Variants in IGF2R observed in about 807,000 individuals in gnomAD.
The protein encoded by IGF2R is cation-independent mannose-6-phosphate receptor.
A neutral mutation model predicts 270.6 loss-of-function variants in IGF2R; 91 were observed. The observed-to-expected ratio is 0.34, with a 90% CI of 0.28 to 0.40. The LOEUF (loss-of-function observed/expected upper bound fraction) is 0.40, where lower values mean the gene tolerates loss of function less well. IGF2R is among the 10% of genes least tolerant of loss of function. The pLI, the probability that IGF2R is intolerant of heterozygous loss-of-function variation, is 1.00. For synonymous variants in IGF2R, 1,316 were observed against 1,258.9 expected (o/e 1.05, Z -0.96); for missense variants, 2,805 against 3,188.3 (o/e 0.88, Z 2.90).
chr6:160,040,598 G>T lies in IGF2R; in HGVS notation c.1354G>T (p.Val452Phe), dbSNP rs776209096. Residue 452 changes from valine (V) to phenylalanine (F), a missense_variant, in exon 11 of 48, where the codon GTT (valine) becomes TTT (phenylalanine). Coordinates refer to ENST00000356956, the MANE Select transcript of IGF2R (RefSeq NM_000876.4). ...GKGTPVFTGEVDCTYFFTWDT... is the reference protein window; with the variant it reads ...GKGTPVFTGEFDCTYFFTWDT... ...AGGAACTCCTGTATTCACAGGGGAG[G>T]TTGACTGCACCTACTTCTTCACATG... The T allele has an allele frequency of 7.4e-6, 12 of 1,614,186 alleles. No homozygotes were observed. The highest frequency in any genetic ancestry group is 1.0e-5 in the Non-Finnish European group (12 of 1,180,010).
chr6:160,059,699 G>T (rs112403243), intron 22 of IGF2R, among the ~76,000 whole-genome samples: 3 of 152,190 alleles, frequency 2.0e-5, no homozygotes, highest in African/African-American at 7.2e-5. Flanking sequence ...TGGGACGCCC[G>T]TGGGGGCTCT....
chr6:160,051,128 G>C (rs1562358085), intron 19 of IGF2R, among the ~76,000 whole-genome samples: 2 of 152,170 alleles, frequency 1.3e-5, no homozygotes, highest in Non-Finnish European at 2.9e-5. Flanking sequence ...AATAGCAGGA[G>C]AAAGATGACC....
intron 45 of IGF2R, among the ~76,000 whole-genome samples, chr6:160,098,415 A>G (rs1231553148): frequency 6.6e-6 from 1 of 152,204 alleles, no homozygotes; most frequent in Admixed American, 6.5e-5. Context: ...ACCAAGAGCA[A>G]AAACTCAGAT....
At chr6:160,072,299 C>T (rs979322105) in intron 32 of IGF2R, among the ~76,000 whole-genome samples, 2 of 152,104 alleles carry the variant, frequency 1.3e-5, no homozygotes, top group Non-Finnish European at 2.9e-5. Context: ...GTGCTCCTGA[C>T]TGGGGTTACT....
chr6:160,097,886 T>G lies in IGF2R; in HGVS notation c.6842+1261T>G, dbSNP rs1228117516. ...CTTTGTCCTGTGCTGTTCAGGCCTG[T>G]GTACTTAGGGATCCTCAGCTGCACA... is the stretch of plus-strand genomic sequence containing the variant. On this transcript the variant is annotated intron_variant, in intron 45 of 47. Transcript: ENST00000356956. 5.3e-5 allele frequency among the ~76,000 whole-genome samples: 8 copies of G among 152,326 alleles called. No homozygotes were observed. The East Asian group carries it at 1.5e-3, about 29-fold the overall frequency.
chr6:160,083,383 T>C (rs1779027962), intron 39 of IGF2R, among the ~76,000 whole-genome samples: 1 of 152,080 alleles, frequency 6.6e-6, no homozygotes, highest in Admixed American at 6.5e-5. Flanking sequence ...AATCGGGTTT[T>C]ATACCGAGAC....
chr6:160,084,155 G>C lies in IGF2R; in HGVS notation c.6039G>C (p.Gly2013=), dbSNP rs1779047435. The C allele has an allele frequency of 6.2e-7, 1 of 1,613,858 alleles. No individual in the cohort carries two copies. The highest frequency in any genetic ancestry group is 8.5e-7 in the Non-Finnish European group (1 of 1,179,788). ...TGCGGCTGCTCTCCTCTCTCACCGG[G>C]TCCTGGTCCCTCGTCCACAACGGAG... ...YDLRLLSSLT[G]SWSLVHNGVS... is the part of the protein sequence containing the mutation. The change falls in exon 40 of 48, where the codon GGG becomes GGC. Residue 2013 remains glycine, a synonymous_variant. Coordinates refer to ENST00000356956, the MANE Select transcript of IGF2R (RefSeq NM_000876.4). The surrounding 1 kb of genome is among the most constrained non-coding windows in gnomAD (Gnocchi z 4.6).
rs570207487 is a variant in IGF2R, at chr6:160,083,447, AAG to A, written c.5834-500_5834-499del. 1.4e-4 allele frequency among the ~76,000 whole-genome samples: 21 copies of A among 152,316 alleles called. No individual in the cohort carries two copies. The East Asian group carries it at 3.9e-3, about 28-fold the overall frequency. Reference sequence around the variant, plus strand: ...AGTGGCCTTCCTCCATCTCACCTGCAAGAGGCTTTCCTCTTTTACTAATCCAC... The same window carrying A: ...AGTGGCCTTCCTCCATCTCACCTGCAAGGCTTTCCTCTTTTACTAATCCAC... On this transcript the variant is annotated intron_variant, in intron 39 of 47. Coordinates refer to ENST00000356956, the MANE Select transcript of IGF2R (RefSeq NM_000876.4).
intron 30 of IGF2R, 35 bp from the exon 31 acceptor site, chr6:160,069,833 C>A: frequency 1.2e-6 from 2 of 1,605,344 alleles, no homozygotes; most frequent in Non-Finnish European, 1.7e-6. Context: ...TGGGGAGTCA[C>A]TAAAGGCAAC....
At chr6:159,997,432 A>T (rs1272252509) in intron 2 of IGF2R, among the ~76,000 whole-genome samples, 1 of 152,126 alleles carries the variant, frequency 6.6e-6, no homozygotes, top group African/African-American at 2.4e-5. Flanking sequence ...GTGGAGGGTG[A>T]GCAACCTGGC....
At chr6:159,999,837 A>G (rs537635946) in intron 2 of IGF2R, among the ~76,000 whole-genome samples, 1 of 152,366 alleles carries the variant, frequency 6.6e-6, no homozygotes, top group Non-Finnish European at 1.5e-5. Context: ...ACAATAGAAC[A>G]TTGGAAAAAA....
intron 35 of IGF2R, among the ~76,000 whole-genome samples, chr6:160,074,773 T>C (rs897582547): frequency 1.3e-5 from 2 of 152,192 alleles, no homozygotes; most frequent in African/African-American, 4.8e-5. Context: ...AGATGGCCAT[T>C]ATATGTGGCA....
At chr6:160,045,224 G>T (rs938844744) in intron 13 of IGF2R, among the ~76,000 whole-genome samples, 4 of 152,064 alleles carry the variant, frequency 2.6e-5, no homozygotes, top group Admixed American at 2.6e-4. Context: ...TTTCCTTATT[G>T]TTGGATTAAT....
chr6:159,974,723 C>G (rs2115166410), intron 1 of IGF2R, among the ~76,000 whole-genome samples: 1 of 152,148 alleles, frequency 6.6e-6, no homozygotes. Context: ...TCCCCCTCCC[C>G]CAGTGGTAAC....
rs1184577572 is a variant in IGF2R, at chr6:160,084,706, C to T, written c.6069-289C>T. On this transcript the variant is annotated intron_variant, in intron 40 of 47. Coordinates refer to ENST00000356956, the MANE Select transcript of IGF2R (RefSeq NM_000876.4). The surrounding 1 kb of genome is among the most constrained non-coding windows in gnomAD (Gnocchi z 4.6). ...GCCGAGATTCTAGCCACTGCCTCTC[C>T]CAGCCCCGGAGCCCTTCTTTCTACT... 6.6e-6 allele frequency among the ~76,000 whole-genome samples: 1 copy of T among 152,194 alleles called. No homozygotes were observed. Among genetic ancestry groups the T allele is most frequent in the Non-Finnish European group, 1.5e-5 (1 of 68,034 alleles).
intron 35 of IGF2R, among the ~76,000 whole-genome samples, chr6:160,074,769 C>T (rs1226040657): frequency 1.3e-5 from 2 of 152,052 alleles, no homozygotes; most frequent in African/African-American, 4.8e-5. Flanking sequence ...AGAAAGATGG[C>T]CATTATATGT....
intron 1 of IGF2R, among the ~76,000 whole-genome samples, chr6:159,976,989 C>T (rs570266184): frequency 9.2e-5 from 14 of 152,306 alleles, no homozygotes; most frequent in African/African-American, 2.4e-4. Context: ...ATCTGGCTGC[C>T]GCTGTGGACA....
intron 41 of IGF2R, 128 bp downstream of exon 41, chr6:160,085,259 T>G: frequency 1.0e-6 from 1 of 961,328 alleles, no homozygotes; most frequent in South Asian, 1.7e-5. Flanking sequence ...TGATTGCCTG[T>G]CACTGTCTCA....
chr6:160,079,909 G>A (rs1562371074), intron 38 of IGF2R, 122 bp downstream of exon 38: 10 of 1,009,942 alleles, frequency 9.9e-6, no homozygotes, highest in Middle Eastern at 2.6e-4. Flanking sequence ...AACCTTGGGC[G>A]TGAATGTGAG....
Sources: allele counts gnomAD v4.1 joint callset (sites outside exome capture counted in the v4.1 genomes callset), GRCh38; gene constraint gnomAD v4.1.1; non-coding constraint Gnocchi (gnomAD v3.1); transcripts MANE v1.5; gene names NCBI Gene and HGNC (gene_info 2026-07-23, HGNC 2026-07-21).